FANCA: variants seen among roughly 807,000 people sequenced by gnomAD.
The protein encoded by FANCA is FA complementation group A, also known as Fanconi anemia group A protein.
In FANCA, 236 loss-of-function variants were observed where a neutral mutation model predicts 194.3. The ratio of observed to expected loss-of-function variants is 1.21; its 90% CI spans 1.09 to 1.35. The LOEUF (loss-of-function observed/expected upper bound fraction) is 1.35. Ranked by LOEUF, FANCA falls within the 40% of genes most tolerant of loss-of-function variation. The probability of loss-of-function intolerance (pLI) is 0.00; values close to 1 mark genes in which losing one functional copy is unlikely to be tolerated. For synonymous variants in FANCA, 1,014 were observed against 715.8 expected (o/e 1.42, Z -6.65); for missense variants, 2,628 against 1,813.9 (o/e 1.45, Z -8.15).
intron 20 of FANCA, among the ~76,000 whole-genome samples, chr16:89,776,162 T>TC (rs1437465544): frequency 6.8e-5 from 6 of 87,792 alleles, no homozygotes; most frequent in African/African-American, 3.3e-4. Flanking sequence ...TGTTTTTCTT[T>TC]TTTTTTTTTT....
intron 11 of FANCA, 73 bp from the exon 12 acceptor site, chr16:89,792,620 C>A: frequency 7.4e-7 from 1 of 1,357,916 alleles, no homozygotes; most frequent in African/African-American, 1.4e-5. Context: ...AAGGACCAGC[C>A]CCACAGGGTC....
At chr16:89,807,475 C>G (rs1341776514) in intron 6 of FANCA, among the ~76,000 whole-genome samples, 1 of 151,636 alleles carries the variant, frequency 6.6e-6, no homozygotes, top group Non-Finnish European at 1.5e-5. Context: ...AAAGGCCGCG[C>G]GAGGTGGCTC....
intron 26 of FANCA, 89 bp downstream of exon 26, chr16:89,769,748 C>G (rs2039256110): frequency 1.4e-6 from 2 of 1,451,446 alleles, no homozygotes; most frequent in South Asian, 2.4e-5. Context: ...GGTATGTCTG[C>G]ATGTCTGTCT....
At chr16:89,760,671 T>C (rs528256411) in intron 29 of FANCA, among the ~76,000 whole-genome samples, 6 of 152,212 alleles carry the variant, frequency 3.9e-5, no homozygotes, top group African/African-American at 1.4e-4. Flanking sequence ...TCTCAAATGG[T>C]CTCAGTCATC....
Position 89,740,674 on chromosome 16 carries a change from C to G in FANCA, c.3828+130G>C. 4.3e-6 allele frequency: 3 copies of G among 702,412 alleles called. No homozygotes were observed. The Admixed American group carries it at 7.7e-5, about 18-fold the overall frequency. 43.5% of individuals were successfully genotyped at this position (702,412 alleles called of 1,614,324 possible). A position where few individuals can be genotyped will look rare whatever the true frequency, so the allele number is the denominator to read the frequency against. ...AAAAAACCCACGGCCTGGGAGTTCT[C>G]ACTCACACTTCCGCAAACACAAGGA... On this transcript the variant is annotated intron_variant, in intron 38 of 42. Coordinates refer to ENST00000389301, the MANE Select transcript of FANCA (RefSeq NM_000135.4).
At chr16:89,741,886 G>A (rs1598060380) in intron 37 of FANCA, among the ~76,000 whole-genome samples, 1 of 152,180 alleles carries the variant, frequency 6.6e-6, no homozygotes, top group Non-Finnish European at 1.5e-5. Context: ...GGGCTGTGAT[G>A]AGGATAAAAA....
chr16:89,771,155 C>CAAAAAAAAAAAAAAAAAAAAAAAAAAAAA (rs34471552), intron 23 of FANCA, among the ~76,000 whole-genome samples: 5 of 56,642 alleles, frequency 8.8e-5, no homozygotes, highest in African/African-American at 2.9e-4. Context: ...AAGACTCAGT[C>CAAAAAAAAAAAAAAAAAAAAAAAAAAAAA]AAAAAAAAAA....
rs142368710 is a variant in FANCA, at chr16:89,776,939, C to T, written c.1827-1124G>A. Among the ~76,000 whole-genome samples the T allele has an allele frequency of 2.7e-3, 417 of 152,218 alleles. 1 individual carries two copies. The highest frequency in any genetic ancestry group is 9.8e-3 in the African/African-American group (405 of 41,528). ...AACATGATAAAGGGTAAGCCAGGTACAGTGGCTCATATTTGTAATCCCAGC... is the reference window on the plus strand; with the variant it reads ...AACATGATAAAGGGTAAGCCAGGTATAGTGGCTCATATTTGTAATCCCAGC... On this transcript the variant is annotated intron_variant, in intron 20 of 42. Coordinates refer to ENST00000389301, the MANE Select transcript of FANCA (RefSeq NM_000135.4).
At chr16:89,751,718 G>C (rs563238979) in intron 31 of FANCA, among the ~76,000 whole-genome samples, 18 of 152,100 alleles carry the variant, frequency 1.2e-4, no homozygotes, top group African/African-American at 4.3e-4. Context: ...TGATCCACCA[G>C]CCTCGGACTC....
chr16:89,774,908 A>G (rs1329329735), intron 21 of FANCA, among the ~76,000 whole-genome samples: 1 of 151,848 alleles, frequency 6.6e-6, no homozygotes, highest in South Asian at 2.1e-4. Flanking sequence ...AGCTTGTCCA[A>G]CATGGCGAAA....
intron 37 of FANCA, among the ~76,000 whole-genome samples, chr16:89,742,419 T>C (rs1223337820): frequency 6.6e-6 from 1 of 151,904 alleles, no homozygotes; most frequent in Non-Finnish European, 1.5e-5. Context: ...ACCACTGCAC[T>C]CCAGCCTGGG....
rs555955913 is a variant in FANCA, at chr16:89,796,878, G to A, written c.894-860C>T. Among the ~76,000 whole-genome samples the A allele has an allele frequency of 2.6e-5, 4 of 152,200 alleles. 1 individual carries two copies. In the South Asian group the frequency reaches 8.3e-4, roughly 32 times the overall value. On this transcript the variant is annotated intron_variant, in intron 10 of 42. Transcript: ENST00000389301. ...TACACTAAAAATACCAAAATATTAGGCCAGGCGCATTGGCTCACACCTGTA... is the reference window on the plus strand; with the variant it reads ...TACACTAAAAATACCAAAATATTAGACCAGGCGCATTGGCTCACACCTGTA...
rs562806413 is a variant in FANCA, at chr16:89,750,174, C to G, written c.3067-272G>C. On this transcript the variant is annotated intron_variant, in intron 31 of 42. Transcript: ENST00000389301. ...GCCCAGGAGTTACAGTACTACTTAT[C>G]AACTACTTATCAATTAAGAAAAAAC... is the stretch of plus-strand genomic sequence containing the variant. Among the ~76,000 whole-genome samples the G allele has an allele frequency of 1.1e-4, 16 of 152,138 alleles. No homozygotes were observed. In the South Asian group the frequency reaches 3.3e-3, roughly 32 times the overall value.
chr16:89,768,183 T>G (rs1450907185), intron 26 of FANCA, among the ~76,000 whole-genome samples: 1 of 151,988 alleles, frequency 6.6e-6, no homozygotes, highest in Non-Finnish European at 1.5e-5. Context: ...GAGGCTGAGG[T>G]GGGAAGATCA....
Position 89,807,379 on chromosome 16 carries a change from G to A in FANCA, c.596+915C>T, listed in dbSNP as rs144485040. On this transcript the variant is annotated intron_variant, in intron 6 of 42. Transcript: ENST00000389301. ...GGCAGGGGCAGAATTGCTTGAATCC[G>A]GGAAGCGGAGGTTGCAGCGAGCCCA... is the stretch of plus-strand genomic sequence containing the variant. 5.2e-3 allele frequency among the ~76,000 whole-genome samples: 785 copies of A among 151,808 alleles called. 6 individuals are homozygous for A. The highest frequency in any genetic ancestry group is 0.018 in the African/African-American group (753 of 41,404).
chr16:89,779,414 GCT>G lies in FANCA; in HGVS notation c.1716-413_1716-412del, dbSNP rs1233074554. On this transcript the variant is annotated intron_variant, in intron 18 of 42. Coordinates refer to ENST00000389301, the MANE Select transcript of FANCA (RefSeq NM_000135.4). ...AAATTCAATAAAGCTGTGCTATTCAGCTCTCTGTTACTGACTCCATATTGGTC... is the reference window on the plus strand; with the variant it reads ...AAATTCAATAAAGCTGTGCTATTCAGCTCTGTTACTGACTCCATATTGGTC... 5.9e-5 allele frequency among the ~76,000 whole-genome samples: 9 copies of G among 152,144 alleles called. No individual in the cohort carries two copies. The South Asian group carries it at 6.2e-4, about 11-fold the overall frequency.
Position 89,740,825 on chromosome 16 carries a change from C to T in FANCA, c.3807G>A (p.Leu1269=), listed in dbSNP as rs11649210. 1.2e-6 allele frequency: 2 copies of T among 1,613,250 alleles called. No individual in the cohort carries two copies. The highest frequency in any genetic ancestry group is 1.7e-6 in the Non-Finnish European group (2 of 1,179,688). The change falls in exon 38 of 43, where the codon CTG becomes CTA. Residue 1269 remains leucine, a synonymous_variant. Transcript: ENST00000389301. ...FLFFFSLMGL[L]SSHLTSNSTT... is the part of the protein sequence containing the mutation. ...TTACATTTGAGGTCAGATGTGACGA[C>T]AGCAGGCCCATCAAGGAGAAGAAGA...
intron 1 of FANCA, chr16:89,816,332 G>A (rs1489042074): frequency 1.1e-5 from 3 of 266,548 alleles, no homozygotes; most frequent in East Asian, 1.1e-4. Context: ...CGCGGGCGGC[G>A]GCTGGGGGCG....
chr16:89,810,063 T>G (rs957544641), intron 5 of FANCA, among the ~76,000 whole-genome samples: 6 of 149,616 alleles, frequency 4.0e-5, no homozygotes, highest in Admixed American at 2.7e-4. Flanking sequence ...TGGCTCACAC[T>G]TGTAATCCCA....
Sources: allele counts gnomAD v4.1 joint callset (sites outside exome capture counted in the v4.1 genomes callset), GRCh38; gene constraint gnomAD v4.1.1; transcripts MANE v1.5; gene names NCBI Gene and HGNC (gene_info 2026-07-23, HGNC 2026-07-21).